PIK3CD: variants seen among roughly 807,000 people sequenced by gnomAD.
PIK3CD encodes the protein phosphatidylinositol 4,5-bisphosphate 3-kinase catalytic subunit delta isoform.
PIK3CD carries 20 observed loss-of-function variants against 122.9 expected under a neutral mutation model. That is an observed-to-expected ratio of 0.16 (90% confidence interval 0.11 to 0.24). The LOEUF (loss-of-function observed/expected upper bound fraction) is 0.24. Ranked by LOEUF, PIK3CD falls within the 10% of genes least tolerant of loss-of-function variation. The pLI is 1.00. For missense variants in PIK3CD, 787 were observed against 1,406.3 expected, an observed-to-expected ratio of 0.56 and a Z score of 7.04; for synonymous variants, 596 against 593.4, an observed-to-expected ratio of 1.00 and a Z score of -0.06.
intron 3 of PIK3CD, among the ~76,000 whole-genome samples, chr1:9,714,500 GT>G (rs944677166): frequency 1.2e-4 from 19 of 152,108 alleles, no homozygotes; most frequent in Non-Finnish European, 2.5e-4. Context: ...TTTATTAGGG[GT>G]TTTTTTGTTT....
rs1649181699 is a variant in PIK3CD, at chr1:9,724,469, G to A, written c.2864+48G>A. The stretch of plus-strand genomic sequence containing the variant: ...AGATGCCCCTCGGTGTGGGGCCCCA[G>A]GGAACAGGGCAGAGGTTCCCAGGCA... On this transcript the variant is annotated intron_variant, in intron 22 of 23. Transcript: ENST00000377346. The surrounding 1 kb of genome is among the most constrained non-coding windows in gnomAD (Gnocchi z 7.3). 1 of 1,610,686 alleles carries A rather than the reference G, an allele frequency of 6.2e-7. No homozygotes were observed.
In PIK3CD at chr1:9,727,599, C is replaced by T. The variant is rs190893981; in HGVS notation, c.*553C>T. On this transcript the variant is annotated 3_prime_UTR_variant, in exon 24 of 24. Transcript: ENST00000377346. ...ACGAGAATTCCCTCATCTTTCTCTA[C>T]TGTAAAGTGATTTTGTTTGCAGGTA... The T allele has an allele frequency of 7.6e-5, 17 of 224,454 alleles. No homozygotes were observed. The highest frequency in any genetic ancestry group is 4.5e-5 in the Non-Finnish European group (5 of 110,314). The allele number at this position is 224,454 out of a possible 1,614,324, so 13.9% of individuals were successfully genotyped here. A position where few individuals can be genotyped will look rare whatever the true frequency, so the allele number is the denominator to read the frequency against.
chr1:9,708,016 G>A (rs542661493), intron 2 of PIK3CD, among the ~76,000 whole-genome samples: 5 of 151,910 alleles, frequency 3.3e-5, no homozygotes, highest in East Asian at 1.9e-4. Flanking sequence ...GGATGGTCTC[G>A]ATCTCCTGAC....
Position 9,689,818 on chromosome 1 carries a change from C to A in PIK3CD, c.-137-1649C>A, listed in dbSNP as rs1274498072. ...CCCGCCCAGCCCCGGGCTTTGTCCG[C>A]CTGGGGCGGGGTGGGCAGGGTCGGT... On this transcript the variant is annotated intron_variant, in intron 1 of 23. Coordinates refer to ENST00000377346, the MANE Select transcript of PIK3CD (RefSeq NM_005026.5). This position sits in a 1 kb window ranked among gnomAD's most constrained non-coding sequence, Gnocchi z 6.1. 2.0e-5 allele frequency among the ~76,000 whole-genome samples: 3 copies of A among 151,688 alleles called. No homozygotes were observed. Among genetic ancestry groups the A allele is most frequent in the Non-Finnish European group, 3.0e-5 (2 of 67,768 alleles).
At chr1:9,713,815 C>A (rs757351499) in intron 3 of PIK3CD, among the ~76,000 whole-genome samples, 1 of 150,368 alleles carries the variant, frequency 6.7e-6, no homozygotes, top group South Asian at 2.1e-4. Flanking sequence ...GCCATGTTGC[C>A]CAAGCTATAG....
Position 9,715,889 on chromosome 1 carries a change from C to A in PIK3CD, c.411C>A (p.Asn137Lys). 1 of 1,611,164 alleles carries A rather than the reference C, an allele frequency of 6.2e-7. No homozygotes were observed. Among genetic ancestry groups the A allele is most frequent in the Non-Finnish European group, 8.5e-7 (1 of 1,179,216 alleles). ...ACTCCTTGTGCGACCCAGAAGTGAA[C>A]GACTTTCGCGCCAAGATGTGCCAAT... ...EFDSLCDPEV[N>K]DFRAKMCQFC... Residue 137 changes from asparagine to lysine, a missense_variant, in exon 5 of 24, where the codon AAC (asparagine) becomes AAA (lysine). Asn to Lys is a moderately conservative substitution (Grantham distance 94). Transcript: ENST00000377346. The surrounding 1 kb of genome is among the most constrained non-coding windows in gnomAD (Gnocchi z 4.1).
intron 1 of PIK3CD, among the ~76,000 whole-genome samples, chr1:9,672,021 G>T (rs1440672950): frequency 3.9e-5 from 6 of 152,090 alleles, no homozygotes; most frequent in Non-Finnish European, 8.8e-5. Context: ...GGGTTCCCAG[G>T]GGGAGTGGGT....
chr1:9,723,233 A>T lies in PIK3CD; in HGVS notation c.2535A>T (p.Ala845=). ...TCCAACTCAACAAGAGCAACATGGC[A>T]GCCACAGCCGCCTTCAACAAGGATG... ...ANIQLNKSNM[A]ATAAFNKDAL... is the part of the protein sequence containing the mutation. Residue 845 remains alanine, a synonymous_variant, in exon 20 of 24, where the codon GCA becomes GCT. Coordinates refer to ENST00000377346, the MANE Select transcript of PIK3CD (RefSeq NM_005026.5). The surrounding 1 kb of genome is among the most constrained non-coding windows in gnomAD (Gnocchi z 4.9). 6.2e-7 allele frequency: 1 copy of T among 1,614,032 alleles called. No individual in the cohort carries two copies. The highest frequency in any genetic ancestry group is 8.5e-7 in the Non-Finnish European group (1 of 1,180,044).
At chr1:9,671,698 G>A (rs1162169760) in intron 1 of PIK3CD, among the ~76,000 whole-genome samples, 13 of 151,874 alleles carry the variant, frequency 8.6e-5, no homozygotes, top group Non-Finnish European at 1.6e-4. Flanking sequence ...CTCCCGCCTC[G>A]GCCCCCCAAA....
At chr1:9,678,684 C>G (rs971290185) in intron 1 of PIK3CD, among the ~76,000 whole-genome samples, 1 of 152,176 alleles carries the variant, frequency 6.6e-6, no homozygotes, top group African/African-American at 2.4e-5. Flanking sequence ...TGAAACCAAC[C>G]TCAAAGGGGC....
At position 9,722,227 on chromosome 1, in the gene PIK3CD, G is replaced by A. The variant is rs760680625; in HGVS notation, c.2235-17G>A. ...GTAGAGGAGCCCCTGCTGACTGCCC[G>A]CTCTCTGGCCTGGCAGCGTGGAGCA... On this transcript the variant is annotated splice_polypyrimidine_tract_variant and intron_variant, in intron 17 of 23. Transcript: ENST00000377346. The surrounding 1 kb of genome is among the most constrained non-coding windows in gnomAD (Gnocchi z 7.6). The A allele has an allele frequency of 2.5e-5, 41 of 1,611,216 alleles. No homozygotes were observed. Among genetic ancestry groups the A allele is most frequent in the African/African-American group, 5.3e-5 (4 of 74,816 alleles).
At chr1:9,650,896 T>G (rs891102013), upstream of PIK3CD, among the ~76,000 whole-genome samples, 2 of 152,162 alleles carry the variant, frequency 1.3e-5, no homozygotes, top group Admixed American at 1.3e-4. Flanking sequence ...CAGGCTGGAG[T>G]GCAGTGGTGC....
chr1:9,719,947 C>T lies in PIK3CD; in HGVS notation c.1269C>T (p.Leu423=), dbSNP rs528003838. Residue 423 remains leucine, a synonymous_variant, in exon 10 of 24, where the codon CTC becomes CTT. Transcript: ENST00000377346. This position sits in a 1 kb window ranked among gnomAD's most constrained non-coding sequence, Gnocchi z 5.5. ...KADCPIAWAN[L]MLFDYKDQLK... ...ACTGCCCCATTGCCTGGGCCAACCT[C>T]ATGCTGTTTGACTACAAGGACCAGC... 3.2e-5 allele frequency: 52 copies of T among 1,613,828 alleles called. No individual in the cohort carries two copies. In the South Asian group the frequency reaches 5.3e-4, roughly 16 times the overall value.
chr1:9,702,445 C>T (rs948914239), intron 2 of PIK3CD, among the ~76,000 whole-genome samples: 6 of 136,084 alleles, frequency 4.4e-5, no homozygotes, highest in African/African-American at 1.7e-4. Flanking sequence ...GATGGCAGCA[C>T]AGAGATCGGA....
At position 9,727,806 on chromosome 1, in the gene PIK3CD, ATCT is replaced by A. The variant is rs1185054490; in HGVS notation, c.*762_*764del. The A allele has an allele frequency of 4.9e-5, 9 of 183,192 alleles. No individual in the cohort carries two copies. The highest frequency in any genetic ancestry group is 1.9e-3 in the Middle Eastern group (1 of 538). 11.3% of individuals were successfully genotyped at this position (183,192 alleles called of 1,614,324 possible). Reference sequence around the variant, plus strand: ...CGAATACTCTGCCATTATCTCAAAAATCTTTTTTTTTTTTTTGAGATGGGGTCT... The same window carrying A: ...CGAATACTCTGCCATTATCTCAAAAATTTTTTTTTTTTTGAGATGGGGTCT... On this transcript the variant is annotated 3_prime_UTR_variant, in exon 24 of 24. Coordinates refer to ENST00000377346, the MANE Select transcript of PIK3CD (RefSeq NM_005026.5).
At chr1:9,694,389 C>T (rs770927591) in intron 2 of PIK3CD, among the ~76,000 whole-genome samples, 6 of 152,182 alleles carry the variant, frequency 3.9e-5, no homozygotes, top group Non-Finnish European at 8.8e-5. Flanking sequence ...CAAAAATTAT[C>T]TGGGTGTGGT....
intron 1 of PIK3CD, among the ~76,000 whole-genome samples, chr1:9,668,983 T>A (rs1645243477): frequency 6.6e-6 from 1 of 152,088 alleles, no homozygotes; most frequent in Admixed American, 6.6e-5. Flanking sequence ...ATGGTTTCAT[T>A]CAAGTCCAGA....
rs540206033 is a variant in PIK3CD, at chr1:9,671,139, G to A, written c.-138+19337G>A. On this transcript the variant is annotated intron_variant, in intron 1 of 23. Coordinates refer to ENST00000377346, the MANE Select transcript of PIK3CD (RefSeq NM_005026.5). ...TTTTGAGATAAAGTCTCACTCCGTCGCCCAGGCTGGAGTGCAGTGGTGCAA... is the reference window on the plus strand; with the variant it reads ...TTTTGAGATAAAGTCTCACTCCGTCACCCAGGCTGGAGTGCAGTGGTGCAA... 5.0e-4 allele frequency among the ~76,000 whole-genome samples: 74 copies of A among 148,304 alleles called. No homozygotes were observed. The East Asian group carries it at 0.011, about 22-fold the overall frequency.
intron 1 of PIK3CD, among the ~76,000 whole-genome samples, chr1:9,655,254 A>G (rs547519374): frequency 6.6e-6 from 1 of 152,074 alleles, no homozygotes; most frequent in Admixed American, 6.6e-5. Context: ...TTTGAAAGGG[A>G]GGAAAATATT....
Sources: gnomAD v4.1 joint callset for allele counts (sites outside exome capture counted in the v4.1 genomes callset) on GRCh38, gnomAD v4.1.1 for gene constraint, Gnocchi (gnomAD v3.1) non-coding constraint, MANE v1.5 for transcripts, NCBI Gene and HGNC (gene_info 2026-07-23, HGNC 2026-07-21) for gene names.